The following RAB18 variants were observed in gnomAD, a reference collection of about 807,000 sequenced individuals.
RAB18 encodes the protein ras-related protein Rab-18.
A neutral mutation model predicts 28.5 loss-of-function variants in RAB18; 10 were observed. The observed-to-expected ratio is 0.35, with a 90% confidence interval of 0.22 to 0.60. The LOEUF (loss-of-function observed/expected upper bound fraction) is 0.60. Among genes scored for constraint, RAB18 ranks in the 20% least tolerant of loss-of-function variants. The pLI is 0.78. For missense variants in RAB18, 188 were observed against 244.2 expected (o/e 0.77, Z 1.53); for synonymous variants, 93 against 86.9 (o/e 1.07, Z -0.39).
At position 27,539,715 on chromosome 10, in the gene RAB18, G is replaced by A. The variant is rs1028163286; in HGVS notation, c.*1664G>A. On this transcript the variant is annotated 3_prime_UTR_variant, in exon 7 of 7. Coordinates refer to ENST00000356940, the MANE Select transcript of RAB18 (RefSeq NM_021252.5). ...TGTATTGGATTGTTGTCTTGATTTG[G>A]TCTAAATTTGAATATATATGAGTTA... 2.2e-5 allele frequency: 10 copies of A among 451,622 alleles called. No individual in the cohort carries two copies. Among genetic ancestry groups the A allele is most frequent in the African/African-American group, 1.8e-4 (9 of 49,750 alleles). 28.0% of individuals were successfully genotyped at this position (451,622 alleles called of 1,614,324 possible).
chr10:27,526,270 T>C (rs903324128), intron 2 of RAB18, among the ~76,000 whole-genome samples: 3 of 152,208 alleles, frequency 2.0e-5, no homozygotes, highest in Non-Finnish European at 2.9e-5. Context: ...TAGCAAGTTA[T>C]TGATTAGGTT....
At chr10:27,524,283 A>G (rs1834629556) in intron 2 of RAB18, among the ~76,000 whole-genome samples, 1 of 151,988 alleles carries the variant, frequency 6.6e-6, no homozygotes, top group Admixed American at 6.6e-5. Flanking sequence ...ACTCATGTCT[A>G]CTTTTTGAAC....
intron 2 of RAB18, among the ~76,000 whole-genome samples, chr10:27,522,452 A>G (rs535795766): frequency 6.6e-6 from 1 of 152,280 alleles, no homozygotes; most frequent in East Asian, 1.9e-4. Flanking sequence ...TTCTAGACCA[A>G]AAGTGAATCT....
chr10:27,513,607 C>T (rs1834371438), intron 2 of RAB18, among the ~76,000 whole-genome samples: 1 of 152,136 alleles, frequency 6.6e-6, no homozygotes, highest in Admixed American at 6.5e-5. Context: ...GAAAAACTGA[C>T]ACACAAACCC....
In RAB18 at chr10:27,538,433, C is replaced by T. The variant is rs886046971; in HGVS notation, c.*382C>T. The T allele has an allele frequency of 3.5e-5, 16 of 456,144 alleles. No individual in the cohort carries two copies. Among genetic ancestry groups the T allele is most frequent in the Non-Finnish European group, 7.0e-5 (16 of 228,086 alleles). The allele number at this position is 456,144 out of a possible 1,614,324, so 28.3% of individuals were successfully genotyped here. A position where few individuals can be genotyped will look rare whatever the true frequency, so the allele number is the denominator to read the frequency against. On this transcript the variant is annotated 3_prime_UTR_variant, in exon 7 of 7. Transcript: ENST00000356940. ...TCTGAATTACTTGGTATTTAGAACT[C>T]CTAGCACCACGGGGAAGAATAGAGG...
intron 3 of RAB18, among the ~76,000 whole-genome samples, chr10:27,530,161 A>G (rs904178260): frequency 6.6e-6 from 1 of 152,022 alleles, no homozygotes; most frequent in African/African-American, 2.4e-5. Context: ...TTATGGATAC[A>G]GTTTCCTTAT....
At position 27,538,404 on chromosome 10, in the gene RAB18, A is replaced by G. The variant is rs1564839509; in HGVS notation, c.*353A>G. ...TTCTTTTTGCTTAAATACTCCTATCATTTTCTGAATTACTTGGTATTTAGA... is the reference window on the plus strand; with the variant it reads ...TTCTTTTTGCTTAAATACTCCTATCGTTTTCTGAATTACTTGGTATTTAGA... On this transcript the variant is annotated 3_prime_UTR_variant, in exon 7 of 7. Transcript: ENST00000356940. 2.2e-6 allele frequency: 1 copy of G among 461,268 alleles called. No individual in the cohort carries two copies. Among genetic ancestry groups the G allele is most frequent in the Non-Finnish European group, 4.3e-6 (1 of 231,532 alleles). 28.6% of individuals were successfully genotyped at this position (461,268 alleles called of 1,614,324 possible).
rs527304502 is a variant in RAB18 at position 27,541,880 on chromosome 10, C to T, written c.*3829C>T. The stretch of plus-strand genomic sequence containing the variant: ...GCATGTGGTTTGGGTGGCATTGTCA[C>T]ACCCTCGGCTTTCTAGATTAACCCA... On this transcript the variant is annotated 3_prime_UTR_variant, in exon 7 of 7. Transcript: ENST00000356940. 88 of 449,886 alleles carry T rather than the reference C, an allele frequency of 2.0e-4. No homozygotes were observed. Among genetic ancestry groups the T allele is most frequent in the African/African-American group, 1.6e-3 (79 of 49,270 alleles). The allele number at this position is 449,886 out of a possible 1,614,324, so 27.9% of individuals were successfully genotyped here.
chr10:27,535,574 C>T (rs996648060), intron 6 of RAB18, among the ~76,000 whole-genome samples: 3 of 152,052 alleles, frequency 2.0e-5, no homozygotes, highest in Admixed American at 2.0e-4. Flanking sequence ...AGGGAAGCAG[C>T]GGTGTGACCT....
chr10:27,518,409 C>T (rs189547855), intron 2 of RAB18, among the ~76,000 whole-genome samples: 22 of 152,180 alleles, frequency 1.4e-4, no homozygotes, highest in African/African-American at 3.6e-4. Flanking sequence ...TATATATCTA[C>T]GAGCAGCCTT....
Position 27,504,352 on chromosome 10 carries a change from G to T in RAB18, c.-18G>T, listed in dbSNP as rs1369619255. 1.5e-5 allele frequency: 23 copies of T among 1,569,722 alleles called. No homozygotes were observed. The highest frequency in any genetic ancestry group is 1.9e-5 in the Non-Finnish European group (22 of 1,158,250). Reference sequence around the variant, plus strand: ...GCACCCGGGCGGCCAGCTGGGCTCGGAGCGGAACGGGGTCAGGATGGACGA... The same window carrying T: ...GCACCCGGGCGGCCAGCTGGGCTCGTAGCGGAACGGGGTCAGGATGGACGA... On this transcript the variant is annotated 5_prime_UTR_variant, in exon 1 of 7. Transcript: ENST00000356940.
chr10:27,521,624 A>G (rs1217007747), intron 2 of RAB18, among the ~76,000 whole-genome samples: 1 of 152,192 alleles, frequency 6.6e-6, no homozygotes, highest in Admixed American at 6.5e-5. Context: ...GTATGTTCTC[A>G]TTTATAAGTG....
rs775347085 is a variant in RAB18 at position 27,504,310 on chromosome 10, C to G, written c.-60C>G. ...CGCGCATGCGCAGCAGCTCACTCTG[C>G]TGAAGGGCTGAGAGGCGCACCCGGG... On this transcript the variant is annotated 5_prime_UTR_variant, in exon 1 of 7. Transcript: ENST00000356940. 9.9e-6 allele frequency: 15 copies of G among 1,515,020 alleles called. No individual in the cohort carries two copies. Among genetic ancestry groups the G allele is most frequent in the Non-Finnish European group, 1.3e-5 (15 of 1,118,070 alleles). 93.8% of individuals were successfully genotyped at this position (1,515,020 alleles called of 1,614,324 possible).
At chr10:27,519,998 G>A (rs900908790) in intron 2 of RAB18, among the ~76,000 whole-genome samples, 4 of 152,120 alleles carry the variant, frequency 2.6e-5, no homozygotes, top group African/African-American at 9.7e-5. Flanking sequence ...TATCATGAAA[G>A]GGAATTGAAT....
chr10:27,531,563 T>A, intron 3 of RAB18: 1 of 1,376,748 alleles, frequency 7.3e-7, no homozygotes, highest in South Asian at 1.2e-5. Context: ...AACTTTTTCT[T>A]AAAGAGCCAG....
rs951979656 is a variant in RAB18 at position 27,506,880 on chromosome 10, G to A, written c.68+2443G>A. ...CTGTTTTAAACTTTTTCCTCAATAC[G>A]TAGCAATGGATTATCAACTGCTCGA... On this transcript the variant is annotated intron_variant, in intron 1 of 6. Coordinates refer to ENST00000356940, the MANE Select transcript of RAB18 (RefSeq NM_021252.5). Among the ~76,000 whole-genome samples the A allele has an allele frequency of 6.6e-5, 10 of 151,608 alleles. No individual in the cohort carries two copies. The East Asian group carries it at 1.0e-3, about 16-fold the overall frequency.
chr10:27,505,571 TA>T, intron 1 of RAB18, among the ~76,000 whole-genome samples: 1 of 152,226 alleles, frequency 6.6e-6, no homozygotes, highest in Admixed American at 6.5e-5. Flanking sequence ...TTTATTTATT[TA>T]TTTTTTGAGA....
At position 27,534,828 on chromosome 10, in the gene RAB18, A is replaced by G. The variant is rs149340446; in HGVS notation, c.445+834A>G. On this transcript the variant is annotated intron_variant, in intron 6 of 6. Transcript: ENST00000356940. ...AAATGAAGTTGAGAGGACTTCATAT[A>G]TAGATAAAAACAGAATGGAATTAGT... Among the ~76,000 whole-genome samples the G allele has an allele frequency of 1.3e-4, 20 of 152,374 alleles. No homozygotes were observed. The East Asian group carries it at 3.9e-3, about 29-fold the overall frequency.
chr10:27,540,475 A>G lies in RAB18; in HGVS notation c.*2424A>G. 1 of 454,066 alleles carries G rather than the reference A, an allele frequency of 2.2e-6. No homozygotes were observed. Among genetic ancestry groups the G allele is most frequent in the Non-Finnish European group, 4.4e-6 (1 of 226,758 alleles). 28.1% of individuals were successfully genotyped at this position (454,066 alleles called of 1,614,324 possible). A position where few individuals can be genotyped will look rare whatever the true frequency, so the allele number is the denominator to read the frequency against. On this transcript the variant is annotated 3_prime_UTR_variant, in exon 7 of 7. Coordinates refer to ENST00000356940, the MANE Select transcript of RAB18 (RefSeq NM_021252.5). ...GTTAAGGCAGTTCCACTATTTCTTT[A>G]TCACTCTTTTGTTATATGTAATAGA...
Sources: gnomAD v4.1 joint callset for allele counts (sites outside exome capture counted in the v4.1 genomes callset) on GRCh38, gnomAD v4.1.1 for gene constraint, MANE v1.5 for transcripts, NCBI Gene and HGNC (gene_info 2026-07-23, HGNC 2026-07-21) for gene names.